The following CSMD1 variants were observed in gnomAD, a reference collection of about 807,000 sequenced individuals.
CSMD1 encodes the protein CUB and sushi domain-containing protein 1.
CSMD1 carries 213 observed loss-of-function variants against 417.5 expected under a neutral mutation model. The observed-to-expected ratio is 0.51, with a 90% CI of 0.46 to 0.57. The LOEUF is 0.57. CSMD1 is among the 20% of genes least tolerant of loss of function. CSMD1 has a pLI of 0.00. For synonymous variants in CSMD1, 2,862 were observed against 1,736.8 expected (o/e 1.65, Z -16.11); for missense variants, 6,923 against 4,529.7 (o/e 1.53, Z -15.17).
At chr8:4,478,310 G>A (rs569639449) in intron 2 of CSMD1, among the ~76,000 whole-genome samples, 1 of 152,254 alleles carries the variant, frequency 6.6e-6, no homozygotes, top group South Asian at 2.1e-4. Flanking sequence ...AGCAACATGA[G>A]TTGCCTCATG....
chr8:3,615,566 T>C (rs947442502), intron 8 of CSMD1, among the ~76,000 whole-genome samples: 1 of 152,228 alleles, frequency 6.6e-6, no homozygotes, highest in Non-Finnish European at 1.5e-5. Flanking sequence ...ATGCTTTTCA[T>C]GTAAAACAAT....
At chr8:4,244,927 T>G (rs1202226174) in intron 3 of CSMD1, among the ~76,000 whole-genome samples, 1 of 152,202 alleles carries the variant, frequency 6.6e-6, no homozygotes, top group Admixed American at 6.5e-5. Flanking sequence ...TTCCAATTTG[T>G]CATCACCATT....
intron 5 of CSMD1, among the ~76,000 whole-genome samples, chr8:3,941,258 C>G (rs1810863552): frequency 6.6e-6 from 1 of 152,028 alleles, no homozygotes; most frequent in African/African-American, 2.4e-5. Context: ...TAGCTGAAAC[C>G]TGACTTGCTG....
At chr8:4,455,106 C>A (rs182703707) in intron 2 of CSMD1, among the ~76,000 whole-genome samples, 1 of 151,812 alleles carries the variant, frequency 6.6e-6, no homozygotes, top group Non-Finnish European at 1.5e-5. Flanking sequence ...AGGTCTGACA[C>A]GTAATAAAGG....
chr8:4,236,726 C>A (rs1203999478), intron 3 of CSMD1, among the ~76,000 whole-genome samples: 2 of 152,108 alleles, frequency 1.3e-5, no homozygotes. Flanking sequence ...AATCACTGTG[C>A]CTTCGAAGAC....
intron 3 of CSMD1, among the ~76,000 whole-genome samples, chr8:4,180,316 C>A (rs1798288823): frequency 6.6e-6 from 1 of 151,464 alleles, no homozygotes; most frequent in African/African-American, 2.4e-5. Flanking sequence ...TGTCAGTAAA[C>A]TATTGCAAGG....
intron 49 of CSMD1, 94 bp from the exon 50 acceptor site, chr8:3,052,741 C>G: frequency 1.2e-6 from 1 of 832,638 alleles, no homozygotes; most frequent in Non-Finnish European, 1.7e-6. Context: ...TTATTGACTC[C>G]ATTTTTCATT....
intron 3 of CSMD1, among the ~76,000 whole-genome samples, chr8:4,036,008 T>G (rs1392569398): frequency 6.6e-6 from 1 of 152,212 alleles, no homozygotes; most frequent in African/African-American, 2.4e-5. Flanking sequence ...GTTTTATTAC[T>G]GTACCTTTTC....
chr8:3,006,939 A>G (rs1352489586), intron 52 of CSMD1, among the ~76,000 whole-genome samples: 1 of 140,456 alleles, frequency 7.1e-6, no homozygotes, highest in African/African-American at 3.2e-5. Flanking sequence ...TAATTAAACT[A>G]AAGAGCTTCT....
At chr8:4,024,436 G>A (rs1796956275) in intron 4 of CSMD1, among the ~76,000 whole-genome samples, 2 of 152,268 alleles carry the variant, frequency 1.3e-5, no homozygotes, top group South Asian at 2.1e-4. Context: ...CTTCAACCAT[G>A]TTCATATGTT....
intron 6 of CSMD1, among the ~76,000 whole-genome samples, chr8:3,725,020 C>G (rs985427700): frequency 6.6e-6 from 1 of 152,134 alleles, no homozygotes; most frequent in Non-Finnish European, 1.5e-5. Context: ...AAACGTTATT[C>G]TGGGAAGAGG....
At chr8:4,413,137 G>C (rs1796739983) in intron 3 of CSMD1, among the ~76,000 whole-genome samples, 1 of 152,146 alleles carries the variant, frequency 6.6e-6, no homozygotes, top group Admixed American at 6.6e-5. Flanking sequence ...ATAGAATATG[G>C]ACAGTCTCAC....
At chr8:4,215,668 T>C (rs945697540) in intron 3 of CSMD1, among the ~76,000 whole-genome samples, 1 of 152,088 alleles carries the variant, frequency 6.6e-6, no homozygotes, top group African/African-American at 2.4e-5. Flanking sequence ...TTAAATGAGG[T>C]TTTCTAAAAA....
At chr8:3,235,601 T>TC (rs1385872253) in intron 26 of CSMD1, among the ~76,000 whole-genome samples, 1 of 152,148 alleles carries the variant, frequency 6.6e-6, no homozygotes, top group Non-Finnish European at 1.5e-5. Flanking sequence ...ATCCAGCGTA[T>TC]CCCACATTGT....
chr8:4,281,571 T>G (rs1266179398), intron 3 of CSMD1, among the ~76,000 whole-genome samples: 1 of 152,224 alleles, frequency 6.6e-6, no homozygotes, highest in Non-Finnish European at 1.5e-5. Flanking sequence ...GAGACTGTTC[T>G]TTTTCTGTTT....
At chr8:3,861,552 G>C (rs375924868) in intron 5 of CSMD1, among the ~76,000 whole-genome samples, 39 of 152,258 alleles carry the variant, frequency 2.6e-4, no homozygotes, top group African/African-American at 9.1e-4. Flanking sequence ...TTAACTCCAC[G>C]TGAGCATTAC....
chr8:4,620,869 A>T (rs994503876), intron 2 of CSMD1, among the ~76,000 whole-genome samples: 17 of 151,934 alleles, frequency 1.1e-4, no homozygotes, highest in Admixed American at 1.3e-4. Context: ...AATAAATAGA[A>T]GAGTGAAAAT....
chr8:3,174,437 G>T (rs1282985340), intron 37 of CSMD1, among the ~76,000 whole-genome samples: 2 of 152,182 alleles, frequency 1.3e-5, no homozygotes, highest in African/African-American at 4.8e-5. Context: ...TGAGACTGAA[G>T]TGAGCTGAGA....
At chr8:4,896,783 G>A (rs1734931483) in intron 1 of CSMD1, among the ~76,000 whole-genome samples, 1 of 152,006 alleles carries the variant, frequency 6.6e-6, no homozygotes. Flanking sequence ...GTAGTTTCAG[G>A]GCTCCAGCGG....
Sources: gnomAD v4.1 joint callset for allele counts (sites outside exome capture counted in the v4.1 genomes callset) on GRCh38, gnomAD v4.1.1 for gene constraint, MANE v1.5 for transcripts, NCBI Gene and HGNC (gene_info 2026-07-23, HGNC 2026-07-21) for gene names.